The following SMIM20 variants were observed in gnomAD, a reference collection of about 807,000 sequenced individuals.
SMIM20 encodes the protein small integral membrane protein 20.
SMIM20 carries 3 observed loss-of-function variants against 8.7 expected under a neutral mutation model. That is an observed-to-expected ratio of 0.34 (90% CI 0.16 to 0.89). The LOEUF (loss-of-function observed/expected upper bound fraction) is 0.89, where lower values mean the gene tolerates loss of function less well. SMIM20 is among the 40% of genes least tolerant of loss of function. SMIM20 has a pLI of 0.49. For missense variants in SMIM20, 85 were observed against 84.8 expected (o/e 1.00, Z -0.01); for synonymous variants, 44 against 33.6 (o/e 1.31, Z -1.07).
intron 1 of SMIM20, among the ~76,000 whole-genome samples, chr4:25,924,723 T>C (rs1719256788): frequency 1.3e-5 from 2 of 152,242 alleles, no homozygotes; most frequent in Non-Finnish European, 1.5e-5. Flanking sequence ...TGAGCTTTCA[T>C]TCCTAAACAC....
At position 25,914,400 on chromosome 4, in the gene SMIM20, C is replaced by A; in HGVS notation, c.87C>A (p.Pro29=). 1 of 1,528,044 alleles carries A rather than the reference C, an allele frequency of 6.5e-7. No individual in the cohort carries two copies. Among genetic ancestry groups the A allele is most frequent in the Non-Finnish European group, 8.8e-7 (1 of 1,132,654 alleles). 94.7% of individuals were successfully genotyped at this position (1,528,044 alleles called of 1,614,324 possible). The change falls in exon 1 of 3, where the codon CCC becomes CCA. Residue 29 remains proline, a synonymous_variant. Transcript: ENST00000506197. ...CCTTCTATCCCATCTACTTCCGGCC[C>A]CTAATGAGATTGGAGGAGTACAGTG... is the stretch of plus-strand genomic sequence containing the variant. ...GAAFYPIYFR[P]LMRLEEYKKE...
intron 1 of SMIM20, among the ~76,000 whole-genome samples, chr4:25,927,611 CTT>C (rs1161452304): frequency 6.6e-6 from 1 of 152,200 alleles, no homozygotes; most frequent in Non-Finnish European, 1.5e-5. Context: ...AATAATAACT[CTT>C]TGTTTTTACA....
At chr4:25,914,804 T>A (rs1180927133) in intron 1 of SMIM20, among the ~76,000 whole-genome samples, 2 of 152,214 alleles carry the variant, frequency 1.3e-5, no homozygotes, top group East Asian at 3.8e-4. Context: ...TTGCACAAGC[T>A]CACCTTGAAG....
At chr4:25,924,049 C>T (rs1226369227) in intron 1 of SMIM20, among the ~76,000 whole-genome samples, 1 of 151,972 alleles carries the variant, frequency 6.6e-6, no homozygotes, top group East Asian at 1.9e-4. Flanking sequence ...TCACCACGTC[C>T]ATTTGGTCCC....
At chr4:25,916,866 C>T (rs534602014) in intron 1 of SMIM20, among the ~76,000 whole-genome samples, 3 of 152,314 alleles carry the variant, frequency 2.0e-5, no homozygotes, top group South Asian at 2.1e-4. Context: ...ATGGGCAGAG[C>T]GTTTACACAG....
intron 1 of SMIM20, among the ~76,000 whole-genome samples, chr4:25,918,036 G>A (rs1367819573): frequency 3.4e-5 from 5 of 147,404 alleles, no homozygotes; most frequent in African/African-American, 1.0e-4. Flanking sequence ...TCCGCCTCCC[G>A]GGTTCACGCC....
chr4:25,927,753 C>A (rs533908596), intron 1 of SMIM20, among the ~76,000 whole-genome samples: 1 of 152,208 alleles, frequency 6.6e-6, no homozygotes, highest in South Asian at 2.1e-4. Context: ...TAGTTGCTGT[C>A]GCTACAATGT....
intron 1 of SMIM20, among the ~76,000 whole-genome samples, chr4:25,920,387 TA>T (rs1299661067): frequency 1.3e-5 from 2 of 151,956 alleles, no homozygotes; most frequent in Non-Finnish European, 2.9e-5. Context: ...CACAAAAGTT[TA>T]AAAAGGAAAA....
At chr4:25,927,089 T>C (rs545185910) in intron 1 of SMIM20, among the ~76,000 whole-genome samples, 5 of 152,344 alleles carry the variant, frequency 3.3e-5, no homozygotes, top group African/African-American at 4.8e-5. Flanking sequence ...TCTTTTGATA[T>C]ATCTTGAGAG....
chr4:25,922,485 G>A (rs570293067), intron 1 of SMIM20, among the ~76,000 whole-genome samples: 3 of 152,270 alleles, frequency 2.0e-5, no homozygotes, highest in African/African-American at 7.2e-5. Context: ...TGAGTAAGAG[G>A]CACCAACTCT....
At position 25,914,247 on chromosome 4, in the gene SMIM20, C is replaced by T. The variant is rs946994965; in HGVS notation, c.-67C>T. 5.3e-6 allele frequency: 8 copies of T among 1,511,268 alleles called. No homozygotes were observed. The highest frequency in any genetic ancestry group is 1.7e-4 in the Middle Eastern group (1 of 5,798). The allele number at this position is 1,511,268 out of a possible 1,614,324, so 93.6% of individuals were successfully genotyped here. A position where few individuals can be genotyped will look rare whatever the true frequency, so the allele number is the denominator to read the frequency against. Reference sequence around the variant, plus strand: ...CTTCCGAGCGGGGTCACGGCCCGGCCGTCGGTAACCTGGTTTCCGAGAGTG... The same window carrying T: ...CTTCCGAGCGGGGTCACGGCCCGGCTGTCGGTAACCTGGTTTCCGAGAGTG... On this transcript the variant is annotated 5_prime_UTR_variant, in exon 1 of 3. Transcript: ENST00000506197.
In SMIM20 at chr4:25,924,090, C is replaced by T. The variant is rs544961573; in HGVS notation, c.110-4223C>T. On this transcript the variant is annotated intron_variant, in intron 1 of 2. Transcript: ENST00000506197. ...GCCAACTGGGTTGCACTTGCTGCTG[C>T]GGTCATATGGCTTCCCCTTGGCCCC... Among the ~76,000 whole-genome samples the T allele has an allele frequency of 3.3e-5, 5 of 152,230 alleles. 1 individual carries two copies. The highest frequency in any genetic ancestry group is 4.1e-4 in the South Asian group (2 of 4,824).
At chr4:25,917,529 A>T (rs1261858642) in intron 1 of SMIM20, among the ~76,000 whole-genome samples, 2 of 152,176 alleles carry the variant, frequency 1.3e-5, no homozygotes, top group Non-Finnish European at 2.9e-5. Context: ...GGTCATGGAA[A>T]CCCACTGTGT....
At chr4:25,919,563 G>T (rs1719162544) in intron 1 of SMIM20, among the ~76,000 whole-genome samples, 1 of 151,790 alleles carries the variant, frequency 6.6e-6, no homozygotes, top group Non-Finnish European at 1.5e-5. Context: ...GCCCAGGCTG[G>T]TCTCAAACTC....
At chr4:25,918,727 G>A (rs554868882) in intron 1 of SMIM20, among the ~76,000 whole-genome samples, 1 of 151,838 alleles carries the variant, frequency 6.6e-6, no homozygotes, top group South Asian at 2.1e-4. Flanking sequence ...TGGCCAGGCT[G>A]GTCTCGAACT....
intron 1 of SMIM20, among the ~76,000 whole-genome samples, chr4:25,918,890 T>C (rs1719145761): frequency 4.0e-5 from 3 of 75,458 alleles, no homozygotes. Flanking sequence ...TGTGAATATC[T>C]TTTTTTTTTT....
intron 1 of SMIM20, 135 bp from the exon 2 acceptor site, chr4:25,928,178 A>G (rs1711558613): frequency 1.3e-6 from 1 of 785,570 alleles, no homozygotes; most frequent in Non-Finnish European, 2.0e-6. Context: ...AGCTTTGCAT[A>G]ATAGCGTATC....
At chr4:25,928,073 G>A in intron 1 of SMIM20, 1 of 363,108 alleles carries the variant, frequency 2.8e-6, no homozygotes, top group East Asian at 4.3e-5. Context: ...AGAGATGTTA[G>A]TTGGGGAGCT....
At chr4:25,928,449 G>T in intron 2 of SMIM20, 80 bp downstream of exon 2, 1 of 1,390,118 alleles carries the variant, frequency 7.2e-7, no homozygotes, top group South Asian at 1.4e-5. Flanking sequence ...TTGCCTTGGC[G>T]TGGAGAGTGG....
Sources: allele counts gnomAD v4.1 joint callset (sites outside exome capture counted in the v4.1 genomes callset), GRCh38; gene constraint gnomAD v4.1.1; transcripts MANE v1.5; gene names NCBI Gene and HGNC (gene_info 2026-07-23, HGNC 2026-07-21).